Variants in COPE observed in about 807,000 individuals in gnomAD.
The protein encoded by COPE is coatomer subunit epsilon.
In COPE, 19 loss-of-function variants were observed where a neutral mutation model predicts 42.1. The observed-to-expected ratio is 0.45, with a 90% CI of 0.31 to 0.66. The LOEUF (loss-of-function observed/expected upper bound fraction) is 0.66, where lower values mean the gene tolerates loss of function less well. Among genes scored for constraint, COPE ranks in the 30% least tolerant of loss-of-function variants. The pLI, the probability that COPE is intolerant of heterozygous loss-of-function variation, is 0.05. For missense variants in COPE, 402 were observed against 416.1 expected (o/e 0.97, Z 0.30); for synonymous variants, 195 against 181.3 (o/e 1.08, Z -0.60).
Position 18,907,106 on chromosome 19 carries a change from G to A in COPE, c.297C>T (p.Ser99=), listed in dbSNP as rs759584150. 14 of 1,611,622 alleles carry A rather than the reference G, an allele frequency of 8.7e-6. No individual in the cohort carries two copies. The highest frequency in any genetic ancestry group is 5.5e-5 in the South Asian group (5 of 90,920). The change falls in exon 4 of 10, where the codon AGC becomes AGT. Residue 99 remains serine, a synonymous_variant. Coordinates refer to ENST00000262812, the MANE Select transcript of COPE (RefSeq NM_007263.4). ...TCTCTCGGTCCAGCTCGGCCACGATGCTGTCCCTGCAAGACAGAGATGCTC... is the reference window on the plus strand; with the variant it reads ...TCTCTCGGTCCAGCTCGGCCACGATACTGTCCCTGCAAGACAGAGATGCTC... The part of the protein sequence containing the change: ...DYLAHESRRD[S]IVAELDREMS...
intron 1 of COPE, among the ~76,000 whole-genome samples, chr19:18,915,550 C>A (rs1300469045): frequency 1.3e-5 from 2 of 152,234 alleles, no homozygotes; most frequent in Non-Finnish European, 2.9e-5. Flanking sequence ...CAAGGGCTCA[C>A]TACGATCACC....
chr19:18,911,285 G>A, intron 2 of COPE: 1 of 575,940 alleles, frequency 1.7e-6, no homozygotes, highest in Non-Finnish European at 3.1e-6. Flanking sequence ...GGGCCACACT[G>A]CCCATGCCTT....
chr19:18,918,174 C>T (rs2056872715), intron 1 of COPE, among the ~76,000 whole-genome samples: 1 of 115,876 alleles, frequency 8.6e-6, no homozygotes, highest in Non-Finnish European at 1.6e-5. Flanking sequence ...GGCAACAGCG[C>T]GAGTCTCCAT....
intron 4 of COPE, chr19:18,905,939 G>A (rs55738552): frequency 0.032 from 16,496 of 515,872 alleles, 343 homozygotes; most frequent in Non-Finnish European, 0.039. Flanking sequence ...CGACACCCTG[G>A]AGGCATCAAC....
intron 8 of COPE, among the ~76,000 whole-genome samples, chr19:18,900,160 G>A (rs1458211276): frequency 2.6e-5 from 4 of 152,034 alleles, no homozygotes; most frequent in African/African-American, 7.2e-5. Flanking sequence ...GCTGGCCTCC[G>A]TACATGGTGG....
At chr19:18,914,529 A>C (rs1473502679) in intron 1 of COPE, among the ~76,000 whole-genome samples, 1 of 151,926 alleles carries the variant, frequency 6.6e-6, no homozygotes, top group African/African-American at 2.4e-5. Flanking sequence ...TGACAGAGCA[A>C]GACTCCATCT....
rs1476273131 is a variant in COPE, at chr19:18,911,005, T to C, written c.256A>G (p.Met86Val). Reference protein sequence around the residue: ...SSAPELQAVRMFADYLAHESR... With the variant: ...SSAPELQAVRVFADYLAHESR... ...TCGTGGGCGAGGTAGTCAGCAAACA[T>C]GCGCACGGCCTGGAGCTCAGGGGCC... Residue 86 changes from methionine (M) to valine (V), a missense_variant, in exon 3 of 10, where the codon ATG becomes GTG. Transcript: ENST00000262812. The C allele has an allele frequency of 1.9e-6, 3 of 1,613,848 alleles. No homozygotes were observed. The highest frequency in any genetic ancestry group is 3.3e-5 in the Admixed American group (2 of 60,004).
intron 1 of COPE, among the ~76,000 whole-genome samples, chr19:18,913,613 C>T (rs1417606124): frequency 1.7e-5 from 1 of 57,998 alleles, no homozygotes; most frequent in South Asian, 3.1e-4. Flanking sequence ...AGGCTGGGAC[C>T]GCTCTCCAGA....
At chr19:18,912,860 A>G (rs1411637021) in intron 2 of COPE, 124 bp downstream of exon 2, 12 of 864,798 alleles carry the variant, frequency 1.4e-5, no homozygotes, top group Non-Finnish European at 2.0e-5. Context: ...GTCACTGAAC[A>G]CTGCAGGCCT....
In COPE at chr19:18,903,439, C is replaced by T. The variant is rs55988241; in HGVS notation, c.580-16G>A. 0.15 allele frequency: 240,586 copies of T among 1,593,414 alleles called. 22,819 individuals carry two copies. The highest frequency in any genetic ancestry group is 0.47 in the African/African-American group (35,253 of 74,370). ...TCTCACCACCCTGCAGGGAGGGTCC[C>T]GCATCATTGCCTGTGCCCCTGCTGC... On this transcript the variant is annotated splice_polypyrimidine_tract_variant and intron_variant, in intron 6 of 9. Coordinates refer to ENST00000262812, the MANE Select transcript of COPE (RefSeq NM_007263.4).
chr19:18,909,974 G>C (rs996393180), intron 3 of COPE, among the ~76,000 whole-genome samples: 1 of 152,152 alleles, frequency 6.6e-6, no homozygotes, highest in African/African-American at 2.4e-5. Flanking sequence ...CGTACCTTTT[G>C]GGGGACACCA....
At chr19:18,911,904 G>A (rs1409804348) in intron 2 of COPE, among the ~76,000 whole-genome samples, 2 of 147,556 alleles carry the variant, frequency 1.4e-5, no homozygotes, top group Non-Finnish European at 3.0e-5. Flanking sequence ...AGGCTGGAGT[G>A]TAATGCTGTG....
chr19:18,916,875 C>A (rs536454706), intron 1 of COPE, among the ~76,000 whole-genome samples: 1 of 144,786 alleles, frequency 6.9e-6, no homozygotes, highest in South Asian at 2.2e-4. Flanking sequence ...GCAGGACAAT[C>A]GCTTGAACCC....
chr19:18,901,056 T>C (rs55962391), intron 7 of COPE, among the ~76,000 whole-genome samples: 28,639 of 152,176 alleles, frequency 0.19, 3,581 homozygotes, highest in African/African-American at 0.36. Flanking sequence ...GTCTCCACCA[T>C]GAAGGGGGAC....
At chr19:18,903,133 T>C in intron 7 of COPE, 135 bp downstream of exon 7, 1 of 862,716 alleles carries the variant, frequency 1.2e-6, no homozygotes, top group Non-Finnish European at 1.6e-6. Flanking sequence ...CGCTGCTGAC[T>C]GGGCCTTAGA....
intron 4 of COPE, 22 bp from the exon 5 acceptor site, chr19:18,905,651 C>T (rs765912696): frequency 1.2e-5 from 19 of 1,585,148 alleles, no homozygotes; most frequent in Admixed American, 3.5e-5. Context: ...GGCGAGGGGG[C>T]GGTCAGCGGG....
At position 18,907,260 on chromosome 19, in the gene COPE, CCGA is replaced by C. The variant is rs1194667760; in HGVS notation, c.291-151_291-149del. 31 of 802,828 alleles carry C rather than the reference CCGA, an allele frequency of 3.9e-5. No homozygotes were observed. In the East Asian group the frequency reaches 6.8e-4, roughly 18 times the overall value. The allele number at this position is 802,828 out of a possible 1,614,324, so 49.7% of individuals were successfully genotyped here. A position where few individuals can be genotyped will look rare whatever the true frequency, so the allele number is the denominator to read the frequency against. The stretch of plus-strand genomic sequence containing the variant: ...GCAGCAGGCCGAGCATCGAGCTGTC[CCGA>C]CATGTCCTCCCTCCGTTCCTATGAA... On this transcript the variant is annotated intron_variant, in intron 3 of 9. Transcript: ENST00000262812.
chr19:18,910,943 C>T (rs1185785201), intron 3 of COPE, 28 bp downstream of exon 3: 2 of 1,607,430 alleles, frequency 1.2e-6, no homozygotes, highest in Non-Finnish European at 1.7e-6. Flanking sequence ...CCCCGCGCCT[C>T]AGGCCAACCC....
chr19:18,900,549 C>G (rs1481715537), intron 7 of COPE, 100 bp from the exon 8 acceptor site: 1 of 890,558 alleles, frequency 1.1e-6, no homozygotes. Flanking sequence ...AGGTCACCTC[C>G]TCAGAGGTGG....
Sources: gnomAD v4.1 joint callset for allele counts (sites outside exome capture counted in the v4.1 genomes callset) on GRCh38, gnomAD v4.1.1 for gene constraint, MANE v1.5 for transcripts, NCBI Gene and HGNC (gene_info 2026-07-23, HGNC 2026-07-21) for gene names.